The following SUPT3H variants were observed in gnomAD, a reference collection of about 807,000 sequenced individuals.
SUPT3H encodes the protein transcription initiation protein SPT3 homolog.
Under a neutral mutation model 44.3 loss-of-function variants are expected in SUPT3H, and 44 were observed. The ratio of observed to expected loss-of-function variants is 0.99; its 90% CI spans 0.78 to 1.28. The LOEUF is 1.28. SUPT3H is among the 50% of genes most tolerant of loss of function. The pLI is 0.00. For missense variants in SUPT3H, 380 were observed against 387.1 expected, an observed-to-expected ratio of 0.98 and a Z score of 0.15; for synonymous variants, 124 against 125.6, an observed-to-expected ratio of 0.99 and a Z score of 0.09.
intron 10 of SUPT3H, among the ~76,000 whole-genome samples, chr6:44,886,684 C>A (rs572274568): frequency 6.6e-6 from 1 of 152,064 alleles, no homozygotes; most frequent in South Asian, 2.1e-4. Context: ...TAAAGACCAT[C>A]GAGGCTAGGA....
At chr6:45,089,792 C>T (rs925870238) in intron 3 of SUPT3H, among the ~76,000 whole-genome samples, 1 of 151,956 alleles carries the variant, frequency 6.6e-6, no homozygotes, top group Non-Finnish European at 1.5e-5. Context: ...TAACTGACCT[C>T]TCCAGAAGCA....
At chr6:45,175,938 G>T (rs1360531873) in intron 2 of SUPT3H, among the ~76,000 whole-genome samples, 1 of 152,164 alleles carries the variant, frequency 6.6e-6, no homozygotes, top group Non-Finnish European at 1.5e-5. Flanking sequence ...TTGGGAAGAA[G>T]GTGAAGGGAA....
At chr6:45,082,639 A>AGT (rs1444207335) in intron 3 of SUPT3H, among the ~76,000 whole-genome samples, 2 of 152,096 alleles carry the variant, frequency 1.3e-5, no homozygotes, top group Non-Finnish European at 2.9e-5. Flanking sequence ...ATCAAAGGAC[A>AGT]TACTATCATA....
chr6:45,243,685 A>T (rs1770814634), intron 2 of SUPT3H, among the ~76,000 whole-genome samples: 1 of 152,218 alleles, frequency 6.6e-6, no homozygotes, highest in Non-Finnish European at 1.5e-5. Flanking sequence ...ACTACCAAAA[A>T]TGGTATAAAA....
chr6:45,255,437 T>TC (rs1027553710), intron 2 of SUPT3H, among the ~76,000 whole-genome samples: 3 of 150,040 alleles, frequency 2.0e-5, no homozygotes, highest in South Asian at 4.3e-4. Context: ...TTTTTTTTTT[T>TC]CAGTCAGGTT....
chr6:45,269,828 G>C (rs1272645099), intron 2 of SUPT3H, among the ~76,000 whole-genome samples: 1 of 152,128 alleles, frequency 6.6e-6, no homozygotes, highest in South Asian at 2.1e-4. Flanking sequence ...CCATTCAACA[G>C]TTTTTAGTAT....
chr6:45,174,258 T>C (rs1811310327), intron 2 of SUPT3H, among the ~76,000 whole-genome samples: 1 of 152,228 alleles, frequency 6.6e-6, no homozygotes, highest in African/African-American at 2.4e-5. Flanking sequence ...TAGGCAAGAT[T>C]ACCCATTGAT....
chr6:45,019,759 A>G (rs1185715692), intron 4 of SUPT3H, among the ~76,000 whole-genome samples: 1 of 151,990 alleles, frequency 6.6e-6, no homozygotes, highest in East Asian at 1.9e-4. Flanking sequence ...CAGTCTCTCC[A>G]TCTAATCATA....
At chr6:44,991,559 G>A (rs866129234) in intron 6 of SUPT3H, among the ~76,000 whole-genome samples, 3 of 151,808 alleles carry the variant, frequency 2.0e-5, no homozygotes, top group African/African-American at 2.4e-5. Context: ...TCCCTCTGTT[G>A]CCTACGCTGG....
chr6:44,980,928 T>C (rs1779007579), intron 6 of SUPT3H, among the ~76,000 whole-genome samples: 1 of 152,180 alleles, frequency 6.6e-6, no homozygotes, highest in Non-Finnish European at 1.5e-5. Context: ...TCTGAAGAAG[T>C]AGATTTAGTG....
intron 2 of SUPT3H, among the ~76,000 whole-genome samples, chr6:45,122,217 G>C (rs952385535): frequency 1.3e-5 from 2 of 152,130 alleles, no homozygotes; most frequent in South Asian, 2.1e-4. Flanking sequence ...GGTTGGGGTT[G>C]GGAGCAAGGG....
chr6:45,118,885 A>G (rs1036568338), intron 2 of SUPT3H, among the ~76,000 whole-genome samples: 1 of 152,194 alleles, frequency 6.6e-6, no homozygotes, highest in African/African-American at 2.4e-5. Flanking sequence ...AGAGGCTAAG[A>G]AGTGCTTAAG....
intron 2 of SUPT3H, among the ~76,000 whole-genome samples, chr6:45,359,772 A>G (rs1289112750): frequency 6.6e-6 from 1 of 152,230 alleles, no homozygotes; most frequent in African/African-American, 2.4e-5. Context: ...GGCTGGGCGC[A>G]GAGGCTTATG....
At chr6:45,194,077 T>C (rs1242189504) in intron 2 of SUPT3H, among the ~76,000 whole-genome samples, 2 of 152,222 alleles carry the variant, frequency 1.3e-5, no homozygotes, top group African/African-American at 4.8e-5. Context: ...TTGATCATTA[T>C]TAGCAGGCCT....
chr6:45,046,664 T>C (rs1360598962), intron 3 of SUPT3H, among the ~76,000 whole-genome samples: 1 of 152,244 alleles, frequency 6.6e-6, no homozygotes, highest in Non-Finnish European at 1.5e-5. Context: ...CAGTGAGTTT[T>C]AAAACAAACA....
At chr6:44,954,409 G>A in intron 8 of SUPT3H, 86 bp downstream of exon 8, 2 of 959,354 alleles carry the variant, frequency 2.1e-6, no homozygotes, top group Admixed American at 3.5e-5. Flanking sequence ...TACTGGTAGA[G>A]CAGCAGGGAG....
intron 10 of SUPT3H, among the ~76,000 whole-genome samples, chr6:44,923,887 A>G (rs1769119145): frequency 6.6e-6 from 1 of 152,074 alleles, no homozygotes; most frequent in African/African-American, 2.4e-5. Flanking sequence ...GGCAATGTAG[A>G]CTCATGATGT....
At chr6:44,956,848 A>G (rs1322393203) in intron 7 of SUPT3H, among the ~76,000 whole-genome samples, 1 of 152,214 alleles carries the variant, frequency 6.6e-6, no homozygotes, top group Non-Finnish European at 1.5e-5. Flanking sequence ...GAACACTGAT[A>G]CCATCAGATA....
At chr6:45,219,954 G>GCCTC (rs1765738018) in intron 2 of SUPT3H, among the ~76,000 whole-genome samples, 1 of 143,536 alleles carries the variant, frequency 7.0e-6, no homozygotes, top group Admixed American at 7.6e-5. Flanking sequence ...CAGGAGAATC[G>GCCTC]CTTGAACCTG....
Sources: allele counts gnomAD v4.1 joint callset (sites outside exome capture counted in the v4.1 genomes callset), GRCh38; gene constraint gnomAD v4.1.1; transcripts MANE v1.5; gene names NCBI Gene and HGNC (gene_info 2026-07-23, HGNC 2026-07-21).